Variants in CDK14 observed in about 807,000 individuals in gnomAD.
CDK14 encodes the protein cyclin-dependent kinase 14.
CDK14 carries 34 observed loss-of-function variants against 60.7 expected under a neutral mutation model. The ratio of observed to expected loss-of-function variants is 0.56; its 90% confidence interval spans 0.43 to 0.75. The LOEUF (loss-of-function observed/expected upper bound fraction) is 0.75, where lower values mean the gene tolerates loss of function less well. Among genes scored for constraint, CDK14 ranks in the 30% least tolerant of loss-of-function variants. CDK14 has a pLI of 0.00. For synonymous variants in CDK14, 197 were observed against 203.7 expected (o/e 0.97, Z 0.28); for missense variants, 482 against 564.1 (o/e 0.85, Z 1.47).
intron 2 of CDK14, among the ~76,000 whole-genome samples, chr7:90,620,006 A>C (rs567252766): frequency 8.5e-5 from 13 of 152,324 alleles, no homozygotes; most frequent in African/African-American, 3.1e-4. Context: ...CAACAACAAC[A>C]AAAACAAATA....
At chr7:91,003,351 C>T (rs1328167137) in intron 10 of CDK14, among the ~76,000 whole-genome samples, 2 of 152,142 alleles carry the variant, frequency 1.3e-5, no homozygotes, top group Non-Finnish European at 2.9e-5. Flanking sequence ...TCCATATCAC[C>T]TCCATTTTGC....
rs1394624673 is a variant in CDK14, at chr7:91,174,281, G to C, written c.*29-32884G>C. On this transcript the variant is annotated intron_variant, in intron 14 of 14. Coordinates refer to ENST00000380050, the MANE Select transcript of CDK14 (RefSeq NM_001287135.2). ...AGAAGGAAAACTAACAAACAGAAAG[G>C]ACATCCACACCAAAAACCCATCTGT... Among the ~76,000 whole-genome samples the C allele has an allele frequency of 3.9e-5, 6 of 151,974 alleles. No homozygotes were observed. In the East Asian group the frequency reaches 1.2e-3, roughly 29 times the overall value.
chr7:90,795,439 G>A (rs1372185751), intron 5 of CDK14, among the ~76,000 whole-genome samples: 1 of 150,006 alleles, frequency 6.7e-6, no homozygotes, highest in Non-Finnish European at 1.5e-5. Context: ...TTTATTTTTT[G>A]TATTAGTTAC....
intron 8 of CDK14, among the ~76,000 whole-genome samples, chr7:90,946,871 G>A (rs1794117546): frequency 6.6e-6 from 1 of 152,106 alleles, no homozygotes; most frequent in Non-Finnish European, 1.5e-5. Flanking sequence ...CCGTCTCCCA[G>A]CAGTTTCCAT....
At chr7:90,694,568 T>A (rs964209125) in intron 2 of CDK14, among the ~76,000 whole-genome samples, 1 of 152,200 alleles carries the variant, frequency 6.6e-6, no homozygotes, top group Admixed American at 6.5e-5. Flanking sequence ...TTTGGTATCT[T>A]AATAATCAGA....
At chr7:90,755,391 C>G (rs1804014457) in intron 4 of CDK14, among the ~76,000 whole-genome samples, 1 of 152,128 alleles carries the variant, frequency 6.6e-6, no homozygotes, top group Admixed American at 6.5e-5. Context: ...CATGTTTTCA[C>G]TTGTAAGTGG....
chr7:90,847,797 T>C (rs1462336251), intron 5 of CDK14, among the ~76,000 whole-genome samples: 1 of 152,184 alleles, frequency 6.6e-6, no homozygotes, highest in African/African-American at 2.4e-5. Flanking sequence ...ACCATTCTTA[T>C]TAATGTGTCT....
chr7:90,830,563 G>A (rs368269354), intron 5 of CDK14, among the ~76,000 whole-genome samples: 5 of 152,240 alleles, frequency 3.3e-5, no homozygotes, highest in African/African-American at 7.2e-5. Context: ...ATTACCATTC[G>A]GCTTCTTTTT....
At chr7:90,644,365 G>A (rs4728910) in intron 2 of CDK14, among the ~76,000 whole-genome samples, 47,078 of 152,104 alleles carry the variant, frequency 0.31, 8,212 homozygotes, top group East Asian at 0.67. Flanking sequence ...AGCCAAGTAT[G>A]AGTTAAGTCA....
intron 11 of CDK14, among the ~76,000 whole-genome samples, chr7:91,063,056 A>G (rs1038756534): frequency 1.3e-5 from 2 of 152,220 alleles, no homozygotes; most frequent in African/African-American, 4.8e-5. Flanking sequence ...TCAGTGGGGC[A>G]GAGAAGTATC....
intron 2 of CDK14, among the ~76,000 whole-genome samples, chr7:90,723,495 G>A (rs1802529991): frequency 6.6e-6 from 1 of 152,150 alleles, no homozygotes; most frequent in Admixed American, 6.5e-5. Context: ...CCCCAGGTCT[G>A]GTGATCTAAG....
At chr7:90,890,008 A>G (rs1792064092) in intron 6 of CDK14, among the ~76,000 whole-genome samples, 3 of 152,236 alleles carry the variant, frequency 2.0e-5, no homozygotes, top group African/African-American at 7.2e-5. Context: ...GAATTTTAAT[A>G]TAGCATTAAA....
At chr7:90,638,479 A>G (rs1017278411) in intron 2 of CDK14, among the ~76,000 whole-genome samples, 14 of 152,170 alleles carry the variant, frequency 9.2e-5, no homozygotes, top group African/African-American at 2.9e-4. Flanking sequence ...TCTGGCTTTT[A>G]GAGTTTCTGC....
At chr7:90,615,141 T>G (rs532322394) in intron 2 of CDK14, among the ~76,000 whole-genome samples, 27 of 152,322 alleles carry the variant, frequency 1.8e-4, no homozygotes, top group East Asian at 3.9e-4. Context: ...AAAAAAATTT[T>G]AAGGTTTTTA....
At chr7:90,596,899 C>T (rs1205422136) in intron 1 of CDK14, among the ~76,000 whole-genome samples, 181 bp downstream of exon 1, 3 of 152,128 alleles carry the variant, frequency 2.0e-5, no homozygotes, top group Admixed American at 2.0e-4. Flanking sequence ...GGAAAGAGAC[C>T]CCTCTTCCTC....
chr7:90,614,889 G>A (rs1199869953), intron 2 of CDK14, among the ~76,000 whole-genome samples: 3 of 151,964 alleles, frequency 2.0e-5, no homozygotes, highest in Admixed American at 6.6e-5. Context: ...GGTGTTCCAC[G>A]AGCATCCTAA....
chr7:90,785,016 T>C (rs1805516613), intron 4 of CDK14, among the ~76,000 whole-genome samples: 1 of 152,200 alleles, frequency 6.6e-6, no homozygotes, highest in Admixed American at 6.5e-5. Context: ...TGTCACTCCC[T>C]CCAAAGTATC....
intron 10 of CDK14, among the ~76,000 whole-genome samples, chr7:91,019,303 T>C (rs1013164854): frequency 6.6e-6 from 1 of 152,180 alleles, no homozygotes; most frequent in Non-Finnish European, 1.5e-5. Context: ...CTGGGACTAC[T>C]TCTTTCATGT....
chr7:90,698,858 C>T (rs900249979), intron 2 of CDK14, among the ~76,000 whole-genome samples: 1 of 152,100 alleles, frequency 6.6e-6, no homozygotes, highest in Non-Finnish European at 1.5e-5. Context: ...CATTATGTAA[C>T]CATGGGTTCT....
Sources: gnomAD v4.1 joint callset for allele counts (sites outside exome capture counted in the v4.1 genomes callset) on GRCh38, gnomAD v4.1.1 for gene constraint, MANE v1.5 for transcripts, NCBI Gene and HGNC (gene_info 2026-07-23, HGNC 2026-07-21) for gene names.